The following NECTIN3 variants were observed in gnomAD, a reference collection of about 807,000 sequenced individuals.
The protein encoded by NECTIN3 is nectin cell adhesion molecule 3.
A neutral mutation model predicts 49.4 loss-of-function variants in NECTIN3; 8 were observed. The observed-to-expected ratio is 0.16, with a 90% CI of 0.10 to 0.29. The LOEUF (loss-of-function observed/expected upper bound fraction) is 0.29, where lower values mean the gene tolerates loss of function less well. Among genes scored for constraint, NECTIN3 ranks in the 10% least tolerant of loss-of-function variants. NECTIN3 has a pLI of 1.00. For missense variants in NECTIN3, 581 were observed against 654.6 expected, an observed-to-expected ratio of 0.89 and a Z score of 1.23; for synonymous variants, 277 against 241.1, an observed-to-expected ratio of 1.15 and a Z score of -1.38.
intron 7 of NECTIN3, among the ~76,000 whole-genome samples, chr3:111,175,368 C>T (rs2035508310): frequency 6.6e-6 from 1 of 151,578 alleles, no homozygotes; most frequent in African/African-American, 2.4e-5. Flanking sequence ...TGCCAGGCAA[C>T]CACCCTCTTC....
chr3:111,103,561 G>T (rs1409347585), intron 1 of NECTIN3, among the ~76,000 whole-genome samples: 1 of 151,182 alleles, frequency 6.6e-6, no homozygotes, highest in Non-Finnish European at 1.5e-5. Flanking sequence ...TGATTAGAAA[G>T]GAAGTTTTAT....
intron 1 of NECTIN3, among the ~76,000 whole-genome samples, chr3:111,100,312 C>G (rs1467500076): frequency 6.6e-6 from 1 of 152,078 alleles, no homozygotes; most frequent in African/African-American, 2.4e-5. Context: ...AAGATATTTA[C>G]AAGTTCACAA....
intron 7 of NECTIN3, among the ~76,000 whole-genome samples, chr3:111,159,182 A>G (rs1004554339): frequency 2.0e-5 from 3 of 151,988 alleles, no homozygotes; most frequent in Non-Finnish European, 1.5e-5. Context: ...ATTATTTTCT[A>G]TTTTTGCTCT....
At chr3:111,088,502 A>G (rs988193224) in intron 1 of NECTIN3, among the ~76,000 whole-genome samples, 4 of 152,186 alleles carry the variant, frequency 2.6e-5, no homozygotes, top group Non-Finnish European at 5.9e-5. Flanking sequence ...TATCGTGACT[A>G]GGTACTTAAT....
At chr3:111,101,359 T>C (rs2032896314) in intron 1 of NECTIN3, among the ~76,000 whole-genome samples, 1 of 152,130 alleles carries the variant, frequency 6.6e-6, no homozygotes, top group Non-Finnish European at 1.5e-5. Flanking sequence ...TAAAGATTAT[T>C]AAAAATATCA....
At chr3:111,115,232 C>T (rs567762084) in intron 2 of NECTIN3, among the ~76,000 whole-genome samples, 13 of 152,254 alleles carry the variant, frequency 8.5e-5, no homozygotes, top group African/African-American at 3.1e-4. Context: ...GAGAGCCCTG[C>T]ATTAGTGGAA....
At chr3:111,100,226 C>T (rs898176448) in intron 1 of NECTIN3, among the ~76,000 whole-genome samples, 4 of 151,918 alleles carry the variant, frequency 2.6e-5, no homozygotes, top group African/African-American at 4.8e-5. Context: ...TTACCTGGAC[C>T]GTTATAGAAG....
At chr3:111,109,367 T>C (rs1276704814) in intron 1 of NECTIN3, among the ~76,000 whole-genome samples, 1 of 152,172 alleles carries the variant, frequency 6.6e-6, no homozygotes, top group Non-Finnish European at 1.5e-5. Flanking sequence ...AAATAAAAAC[T>C]AGAAATTCTT....
chr3:111,124,495 G>A (rs2034081292), intron 4 of NECTIN3, among the ~76,000 whole-genome samples: 1 of 152,252 alleles, frequency 6.6e-6, no homozygotes, highest in South Asian at 2.1e-4. Context: ...GACATATATA[G>A]TTTATTTTCA....
intron 7 of NECTIN3, among the ~76,000 whole-genome samples, chr3:111,162,145 T>TG (rs1361325345): frequency 6.6e-6 from 1 of 152,062 alleles, no homozygotes; most frequent in African/African-American, 2.4e-5. Context: ...GGGGGGTGGG[T>TG]CACGCTTTGT....
At chr3:111,187,901 C>A (rs751374104), upstream of NECTIN3, among the ~76,000 whole-genome samples, 6 of 152,118 alleles carry the variant, frequency 3.9e-5, no homozygotes, top group Admixed American at 1.3e-4. Flanking sequence ...CCGTTTGTTA[C>A]AACACCAAGA....
chr3:111,125,632 T>G (rs1349883724), intron 4 of NECTIN3, among the ~76,000 whole-genome samples: 1 of 152,222 alleles, frequency 6.6e-6, no homozygotes, highest in Non-Finnish European at 1.5e-5. Context: ...CAAGTGAAAT[T>G]ATTTTATAGG....
At chr3:111,118,456 A>C (rs972799820) in intron 2 of NECTIN3, among the ~76,000 whole-genome samples, 200 bp from the exon 3 acceptor site, 7 of 151,422 alleles carry the variant, frequency 4.6e-5, no homozygotes, top group African/African-American at 1.5e-4. Flanking sequence ...GGTGGTATGA[A>C]TTCCTGGTCT....
intron 3 of NECTIN3, among the ~76,000 whole-genome samples, chr3:111,119,468 A>G (rs1258718972): frequency 2.0e-5 from 3 of 152,134 alleles, no homozygotes; most frequent in Non-Finnish European, 4.4e-5. Context: ...AGTAGCTGGG[A>G]TTACAAGCGT....
chr3:111,096,980 G>A (rs918675065), intron 1 of NECTIN3, among the ~76,000 whole-genome samples: 11 of 152,118 alleles, frequency 7.2e-5, no homozygotes, highest in African/African-American at 1.9e-4. Context: ...TGAGAAGAGG[G>A]CCACTGTCCT....
chr3:111,083,975 T>C (rs1051470684), intron 1 of NECTIN3, among the ~76,000 whole-genome samples: 2 of 152,208 alleles, frequency 1.3e-5, no homozygotes, highest in Non-Finnish European at 2.9e-5. Context: ...AAAACTTTTT[T>C]TAAAAAATTT....
upstream of NECTIN3, among the ~76,000 whole-genome samples, chr3:111,189,597 C>T (rs191395427): frequency 5.3e-5 from 8 of 152,230 alleles, no homozygotes; most frequent in East Asian, 1.5e-3. Flanking sequence ...TCTTAATTAT[C>T]TGTATTAATG....
exon 6 of NECTIN3, chr3:111,144,942 G>T (rs1015732731): frequency 6.5e-7 from 1 of 1,536,150 alleles, no homozygotes; most frequent in Non-Finnish European, 8.7e-7. Flanking sequence ...TAGCTGGAGC[G>T]GTAATTGGAG....
At chr3:111,103,398 T>C (rs1046278880) in intron 1 of NECTIN3, among the ~76,000 whole-genome samples, 1 of 152,050 alleles carries the variant, frequency 6.6e-6, no homozygotes, top group East Asian at 1.9e-4. Flanking sequence ...TGTAAATTTG[T>C]GTTTTTAACT....
Sources: gnomAD v4.1 joint callset for allele counts (sites outside exome capture counted in the v4.1 genomes callset) on GRCh38, gnomAD v4.1.1 for gene constraint, MANE v1.5 for transcripts, NCBI Gene and HGNC (gene_info 2026-07-23, HGNC 2026-07-21) for gene names.